The following SIPA1L1 variants were observed in gnomAD, a reference collection of about 807,000 sequenced individuals.
The protein encoded by SIPA1L1 is signal induced proliferation associated 1 like 1, also known as signal-induced proliferation-associated 1-like protein 1.
SIPA1L1 carries 26 observed loss-of-function variants against 162.7 expected under a neutral mutation model. The ratio of observed to expected loss-of-function variants is 0.16; its 90% CI spans 0.12 to 0.22. The LOEUF (loss-of-function observed/expected upper bound fraction) is 0.22, where lower values mean the gene tolerates loss of function less well. Among genes scored for constraint, SIPA1L1 ranks in the 10% least tolerant of loss-of-function variants. The pLI, the probability that SIPA1L1 is intolerant of heterozygous loss-of-function variation, is 1.00. For synonymous variants in SIPA1L1, 829 were observed against 837.4 expected, an observed-to-expected ratio of 0.99 and a Z score of 0.17; for missense variants, 1,874 against 2,241.0, an observed-to-expected ratio of 0.84 and a Z score of 3.31.
intron 2 of SIPA1L1, among the ~76,000 whole-genome samples, chr14:71,468,290 C>G (rs752753261): frequency 6.6e-6 from 1 of 152,110 alleles, no homozygotes; most frequent in Non-Finnish European, 1.5e-5. Flanking sequence ...TCTTGCGTTG[C>G]TATAAAGAAA....
chr14:71,378,301 A>C (rs992700275), intron 2 of SIPA1L1, among the ~76,000 whole-genome samples: 4 of 152,050 alleles, frequency 2.6e-5, no homozygotes, highest in African/African-American at 9.7e-5. Context: ...GTGGAACCTT[A>C]GGTAACTGTG....
At chr14:71,563,686 T>C (rs972566859) in intron 4 of SIPA1L1, among the ~76,000 whole-genome samples, 7 of 152,232 alleles carry the variant, frequency 4.6e-5, no homozygotes, top group Non-Finnish European at 1.0e-4. Context: ...CATTCCTTTC[T>C]GCTATAGCAC....
chr14:71,699,682 A>G (rs1383407669), intron 14 of SIPA1L1, among the ~76,000 whole-genome samples: 1 of 152,192 alleles, frequency 6.6e-6, no homozygotes, highest in African/African-American at 2.4e-5. Context: ...TTATGGAGGT[A>G]AGGAGGCCAC....
rs754478328 is a variant in SIPA1L1 at position 71,661,421 on chromosome 14, G to A, written c.2209G>A (p.Val737Ile). Residue 737 changes from valine (V) to isoleucine (I), a missense_variant, in exon 10 of 24, where the codon GTC (valine) becomes ATC (isoleucine). Val to Ile is a conservative substitution (Grantham distance 29, BLOSUM62 3). This residue lies in a region of SIPA1L1 where 243 missense variants were observed against 315.0 expected (regional missense o/e 0.77). Transcript: ENST00000381232. ...NIRSHFQHVFVIVRVHNPCSD... is the reference protein window; with the variant it reads ...NIRSHFQHVFIIVRVHNPCSD... ...CCGATCCCACTTCCAGCACGTTTTC[G>A]TCATCGTCAGGGTGCACAATCCGTG... 31 of 1,613,860 alleles carry A rather than the reference G, an allele frequency of 1.9e-5. No homozygotes were observed. Among genetic ancestry groups the A allele is most frequent in the South Asian group, 4.4e-5 (4 of 91,080 alleles).
At chr14:71,322,810 T>G (rs1279091064) in intron 2 of SIPA1L1, among the ~76,000 whole-genome samples, 2 of 152,196 alleles carry the variant, frequency 1.3e-5, no homozygotes, top group Non-Finnish European at 2.9e-5. Flanking sequence ...AGTGAACAAG[T>G]TTGGTGAGTG....
chr14:71,359,499 A>G (rs894612679), intron 2 of SIPA1L1, among the ~76,000 whole-genome samples: 1 of 152,222 alleles, frequency 6.6e-6, no homozygotes, highest in South Asian at 2.1e-4. Context: ...AGAGCATATG[A>G]AGGCAGGGAC....
chr14:71,544,242 A>G (rs937952097), intron 4 of SIPA1L1, among the ~76,000 whole-genome samples: 1 of 142,370 alleles, frequency 7.0e-6, no homozygotes, highest in Non-Finnish European at 1.6e-5. Flanking sequence ...ATGTATGTAT[A>G]CACATATGTA....
intron 5 of SIPA1L1, among the ~76,000 whole-genome samples, chr14:71,606,066 A>G (rs763047437): frequency 3.3e-5 from 5 of 152,138 alleles, no homozygotes; most frequent in Non-Finnish European, 5.9e-5. Context: ...AACACTGGCT[A>G]TGGTGGGCAG....
intron 2 of SIPA1L1, among the ~76,000 whole-genome samples, chr14:71,373,756 A>C (rs1432471803): frequency 6.6e-6 from 1 of 151,068 alleles, no homozygotes; most frequent in Non-Finnish European, 1.5e-5. Flanking sequence ...TACCTTTGTG[A>C]TTTGAAAGCT....
At chr14:71,733,078 G>A (rs1384833608) in intron 20 of SIPA1L1, among the ~76,000 whole-genome samples, 1 of 152,200 alleles carries the variant, frequency 6.6e-6, no homozygotes. Context: ...GGGCATGGTG[G>A]CACATACCTT....
intron 4 of SIPA1L1, chr14:71,573,895 G>T: frequency 3.0e-6 from 1 of 337,536 alleles, no homozygotes; most frequent in Non-Finnish European, 5.8e-6. Context: ...GCCTTTTCTT[G>T]TGCTTGTGTT....
In SIPA1L1 at chr14:71,683,111, G is replaced by A. The variant is rs557201051; in HGVS notation, c.3105-2251G>A. On this transcript the variant is annotated intron_variant, in intron 12 of 23. Transcript: ENST00000381232. Reference sequence around the variant, plus strand: ...TGAGGCTGTGGTGAACCTTGATCACGTCACAGCACTCCAGCCTAGGCGACA... The same window carrying A: ...TGAGGCTGTGGTGAACCTTGATCACATCACAGCACTCCAGCCTAGGCGACA... Among the ~76,000 whole-genome samples, 67 of 152,294 alleles carry A rather than the reference G, an allele frequency of 4.4e-4. No individual in the cohort carries two copies. The Middle Eastern group carries it at 0.01, about 23-fold the overall frequency.
At chr14:71,536,249 GT>G (rs1345614286) in intron 4 of SIPA1L1, among the ~76,000 whole-genome samples, 1 of 152,114 alleles carries the variant, frequency 6.6e-6, no homozygotes, top group African/African-American at 2.4e-5. Flanking sequence ...CCGAGTGCTT[GT>G]TTGTTGGTTT....
rs141895418 is a variant in SIPA1L1, at chr14:71,589,102, T to C, written c.1230T>C (p.Leu410=). The C allele has an allele frequency of 2.8e-4, 449 of 1,613,998 alleles. No homozygotes were observed. Among genetic ancestry groups the C allele is most frequent in the Non-Finnish European group, 3.5e-4 (412 of 1,179,996 alleles). The change falls in exon 5 of 24, where the codon CTT becomes CTC. Residue 410 remains leucine (L), a synonymous_variant. Coordinates refer to ENST00000381232, the MANE Select transcript of SIPA1L1 (RefSeq NM_001386936.1). ...MDQGDDKSNE[L]VMSCPYFRNE... is the part of the protein sequence containing the mutation. ...AGGGAGATGATAAAAGCAATGAGCT[T>C]GTAATGAGCTGTCCATATTTTCGGA... is the stretch of plus-strand genomic sequence containing the variant.
At chr14:71,422,307 C>G (rs1416867291) in intron 2 of SIPA1L1, among the ~76,000 whole-genome samples, 3 of 151,932 alleles carry the variant, frequency 2.0e-5, no homozygotes, top group South Asian at 4.1e-4. Flanking sequence ...TTGCTTTTTC[C>G]TTTTTTAAAA....
chr14:71,543,827 A>T (rs949658369), intron 4 of SIPA1L1, among the ~76,000 whole-genome samples: 4 of 149,606 alleles, frequency 2.7e-5, no homozygotes, highest in Non-Finnish European at 3.0e-5. Flanking sequence ...ATGTGTATAT[A>T]TACATATATC....
chr14:71,714,789 C>T (rs1279977052), intron 17 of SIPA1L1, among the ~76,000 whole-genome samples: 1 of 152,124 alleles, frequency 6.6e-6, no homozygotes, highest in Non-Finnish European at 1.5e-5. Context: ...ATCATGTTGC[C>T]CAGGCTGGTC....
At position 71,673,300 on chromosome 14, in the gene SIPA1L1, T is replaced by C. The variant is rs1255466219; in HGVS notation, c.3104+678T>C. Among the ~76,000 whole-genome samples, 7 of 152,224 alleles carry C rather than the reference T, an allele frequency of 4.6e-5. No individual in the cohort carries two copies. In the East Asian group the frequency reaches 1.3e-3, roughly 29 times the overall value. On this transcript the variant is annotated intron_variant, in intron 12 of 23. Coordinates refer to ENST00000381232, the MANE Select transcript of SIPA1L1 (RefSeq NM_001386936.1). The stretch of plus-strand genomic sequence containing the variant: ...TGGGGAGGTTTATTGGTGGAAGAAA[T>C]TTAATCAACTGTTTATTTTCTCCTT...
At chr14:71,345,925 T>TTAA (rs1296637241) in intron 2 of SIPA1L1, among the ~76,000 whole-genome samples, 1 of 151,726 alleles carries the variant, frequency 6.6e-6, no homozygotes, top group African/African-American at 2.4e-5. Flanking sequence ...ATTATTATTA[T>TTAA]TTTTTGAGAT....
Sources: allele counts gnomAD v4.1 joint callset (sites outside exome capture counted in the v4.1 genomes callset), GRCh38; gene constraint gnomAD v4.1.1; regional missense constraint gnomAD v4.1.1; transcripts MANE v1.5; gene names NCBI Gene and HGNC (gene_info 2026-07-23, HGNC 2026-07-21).